Variants in EP400 observed in about 807,000 individuals in gnomAD.
EP400 encodes the protein E1A binding protein p400.
EP400 carries 105 observed loss-of-function variants against 354.1 expected under a neutral mutation model. The ratio of observed to expected loss-of-function variants is 0.30; its 90% CI spans 0.25 to 0.35. The LOEUF (loss-of-function observed/expected upper bound fraction) is 0.35, where lower values mean the gene tolerates loss of function less well. Ranked by LOEUF, EP400 falls within the 10% of genes least tolerant of loss-of-function variation. EP400 has a pLI of 1.00. For missense variants in EP400, 3,280 were observed against 4,121.0 expected (o/e 0.80, Z 5.59); for synonymous variants, 1,646 against 1,716.9 (o/e 0.96, Z 1.02).
At chr12:132,001,444 G>A (rs1466750582) in intron 12 of EP400, among the ~76,000 whole-genome samples, 3 of 152,310 alleles carry the variant, frequency 2.0e-5, no homozygotes, top group South Asian at 2.1e-4. Context: ...GCAGAGCCAC[G>A]TGTACAGGAT....
chr12:132,042,444 G>A (rs1178571392), intron 32 of EP400, among the ~76,000 whole-genome samples: 2 of 152,126 alleles, frequency 1.3e-5, no homozygotes, highest in Non-Finnish European at 2.9e-5. Flanking sequence ...GGTGCTTTTT[G>A]TGCTCTGCTG....
rs888436840 is a variant in EP400, at chr12:132,050,640, C to T, written c.7379C>T (p.Ser2460Phe). The T allele has an allele frequency of 6.2e-7, 1 of 1,614,236 alleles. No individual in the cohort carries two copies. The highest frequency in any genetic ancestry group is 8.5e-7 in the Non-Finnish European group (1 of 1,180,044). Residue 2460 changes from serine to phenylalanine, a missense_variant, in exon 41 of 53, where the codon TCT becomes TTT. Around this residue, in one of 20 missense-constraint regions of EP400, gnomAD observed 29 missense variants for 86.0 expected, o/e 0.34. Coordinates refer to ENST00000389561, the MANE Select transcript of EP400 (RefSeq NM_015409.5). This position sits in a 1 kb window ranked among gnomAD's most constrained non-coding sequence, Gnocchi z 4.8. ...NPFQKNPKHA[S>F]VLAESGINYD... ...TTTCAGAAGAACCCCAAGCACGCGT[C>T]TGTGTTGGCAGAAAGGTATTTCTCT... is the stretch of plus-strand genomic sequence containing the variant.
chr12:132,076,221 T>G, intron 51 of EP400: 1 of 463,572 alleles, frequency 2.2e-6, no homozygotes, highest in Non-Finnish European at 4.1e-6. Flanking sequence ...TCTGATTCTT[T>G]CATATAAACT....
chr12:131,965,175 C>T (rs147922062), intron 2 of EP400, among the ~76,000 whole-genome samples: 2 of 152,162 alleles, frequency 1.3e-5, no homozygotes, highest in African/African-American at 4.8e-5. Flanking sequence ...GTCACTTTGT[C>T]CTATAACTAG....
At position 132,027,678 on chromosome 12, in the gene EP400, T is replaced by C. The variant is rs546477304; in HGVS notation, c.5109+147T>C. ...TTATTTTAAAACACACATTTTCTAA[T>C]AAAATAAATGAAACTGGACTTACGA... On this transcript the variant is annotated intron_variant, in intron 26 of 52. Transcript: ENST00000389561. This position sits in a 1 kb window ranked among gnomAD's most constrained non-coding sequence, Gnocchi z 4.9. 4.1e-6 allele frequency: 3 copies of C among 730,264 alleles called. No homozygotes were observed. The highest frequency in any genetic ancestry group is 3.3e-5 in the Admixed American group (1 of 30,442). The allele number at this position is 730,264 out of a possible 1,614,324, so 45.2% of individuals were successfully genotyped here. A position where few individuals can be genotyped will look rare whatever the true frequency, so the allele number is the denominator to read the frequency against.
chr12:131,962,190 G>C (rs1241349068), intron 2 of EP400, among the ~76,000 whole-genome samples: 6 of 152,208 alleles, frequency 3.9e-5, no homozygotes, highest in African/African-American at 1.4e-4. Flanking sequence ...GCTGCGCTAT[G>C]ATGAGTGCGT....
chr12:131,973,650 A>T (rs1259193290), intron 2 of EP400, among the ~76,000 whole-genome samples: 1 of 152,206 alleles, frequency 6.6e-6, no homozygotes. Context: ...CTCAAAAAAA[A>T]TAAGACAGAG....
At chr12:132,042,954 G>C (rs1894963755) in intron 32 of EP400, among the ~76,000 whole-genome samples, 2 of 152,230 alleles carry the variant, frequency 1.3e-5, no homozygotes, top group Non-Finnish European at 2.9e-5. Context: ...TGTGCATCGG[G>C]TCTGAGATGG....
At position 131,981,563 on chromosome 12, in the gene EP400, G is replaced by T; in HGVS notation, c.1510G>T (p.Val504Phe). The T allele has an allele frequency of 5.0e-6, 8 of 1,601,834 alleles. No individual in the cohort carries two copies. The highest frequency in any genetic ancestry group is 6.8e-6 in the Non-Finnish European group (8 of 1,174,586). The change falls in exon 4 of 53, where the codon GTT (valine) becomes TTT (phenylalanine). Residue 504 changes from valine to phenylalanine, a missense_variant. Val to Phe is a conservative substitution (Grantham distance 50, BLOSUM62 -1). Coordinates refer to ENST00000389561, the MANE Select transcript of EP400 (RefSeq NM_015409.5). Reference sequence around the variant, plus strand: ...CCAGCACCCAGGGGCGGACGCAGGCGTTCCTCTCCAGCAACTAATGCCGAC... The same window carrying T: ...CCAGCACCCAGGGGCGGACGCAGGCTTTCCTCTCCAGCAACTAATGCCGAC... ...VFQHPGADAG[V>F]PLQQLMPTAQ... is the part of the protein sequence containing the mutation.
At chr12:131,957,492 T>C (rs536632058) in intron 1 of EP400, among the ~76,000 whole-genome samples, 3 of 151,086 alleles carry the variant, frequency 2.0e-5, no homozygotes, top group African/African-American at 7.2e-5. Flanking sequence ...TCCTGTCACC[T>C]ACCAGAAGGA....
chr12:131,976,176 G>T (rs554603541), intron 2 of EP400, among the ~76,000 whole-genome samples: 2 of 151,984 alleles, frequency 1.3e-5, no homozygotes, highest in Non-Finnish European at 2.9e-5. Context: ...ATGACCTTGG[G>T]CATACATATT....
At chr12:132,045,262 C>G in intron 37 of EP400, 57 bp from the exon 38 acceptor site, 2 of 1,593,558 alleles carry the variant, frequency 1.3e-6, no homozygotes, top group Non-Finnish European at 1.7e-6. Flanking sequence ...TGTCTTTTGC[C>G]TGCCCGTGTG....
intron 2 of EP400, among the ~76,000 whole-genome samples, chr12:131,970,231 C>G (rs547292635): frequency 2.8e-4 from 43 of 152,300 alleles, no homozygotes; most frequent in African/African-American, 1.0e-3. Context: ...TGCCTATCAA[C>G]ACGAAAAAGA....
In EP400 at chr12:132,028,160, G is replaced by A; in HGVS notation, c.5253G>A (p.Gly1751=). The change falls in exon 27 of 53, where the codon GGG becomes GGA. Residue 1751 remains glycine, a synonymous_variant. Coordinates refer to ENST00000389561, the MANE Select transcript of EP400 (RefSeq NM_015409.5). ...LPSHGRVQWR[G]SLDGRRGKEA... is the part of the protein sequence containing the mutation. The stretch of plus-strand genomic sequence containing the variant: ...GCCATGGAAGGGTACAGTGGCGTGG[G>A]TCCCTGGATGGCCGTCGTGGGAAGG... The A allele has an allele frequency of 6.2e-7, 1 of 1,614,198 alleles. No individual in the cohort carries two copies. The highest frequency in any genetic ancestry group is 8.5e-7 in the Non-Finnish European group (1 of 1,180,030).
In EP400 at chr12:132,062,483, C is replaced by G; in HGVS notation, c.8116C>G (p.Pro2706Ala). Reference protein sequence around the residue: ...QVSQATGVQLPGKTITPAHFQ... With the variant: ...QVSQATGVQLAGKTITPAHFQ... ...CTTCATAGCCACAGGAGTTCAGCTC[C>G]CTGGAAAAACCATCACACCTGCACA... is the stretch of plus-strand genomic sequence containing the variant. The change falls in exon 47 of 53, where the codon CCT (proline) becomes GCT (alanine). Residue 2706 changes from proline (P) to alanine (A), a missense_variant. This residue lies in a region of EP400 where 255 missense variants were observed against 295.9 expected (regional missense o/e 0.86). Coordinates refer to ENST00000389561, the MANE Select transcript of EP400 (RefSeq NM_015409.5). 6.2e-7 allele frequency: 1 copy of G among 1,613,068 alleles called. No individual in the cohort carries two copies. The highest frequency in any genetic ancestry group is 8.5e-7 in the Non-Finnish European group (1 of 1,180,020).
In EP400 at chr12:132,045,957, G is replaced by A; in HGVS notation, c.7200+57G>A. The A allele has an allele frequency of 2.5e-6, 4 of 1,588,264 alleles. No individual in the cohort carries two copies. In the South Asian group the frequency reaches 4.6e-5, roughly 18 times the overall value. On this transcript the variant is annotated intron_variant, in intron 39 of 52. Transcript: ENST00000389561. ...AGCACAGGCAGGTGTGGTGGCCGTG[G>A]CCTGCAGTTTCAGCTCCAGTCCTGC...
At chr12:131,951,568 G>A (rs911177000) in intron 1 of EP400, among the ~76,000 whole-genome samples, 2 of 152,120 alleles carry the variant, frequency 1.3e-5, no homozygotes, top group Non-Finnish European at 2.9e-5. Context: ...TTCTTTAGCA[G>A]AATATGTGCA....
At chr12:131,989,867 A>C in intron 7 of EP400, 97 bp from the exon 8 acceptor site, 1 of 1,405,004 alleles carries the variant, frequency 7.1e-7, no homozygotes, top group Non-Finnish European at 9.7e-7. Flanking sequence ...AATTGTATGT[A>C]ATTTTAGTCT....
chr12:132,067,258 T>G lies in EP400; in HGVS notation c.8750-104T>G. 6.7e-7 allele frequency: 1 copy of G among 1,483,126 alleles called. No individual in the cohort carries two copies. The highest frequency in any genetic ancestry group is 9.1e-7 in the Non-Finnish European group (1 of 1,100,038). The allele number at this position is 1,483,126 out of a possible 1,614,324, so 91.9% of individuals were successfully genotyped here. ...GCTTACTTGTCTCCATAGAGTTTCA[T>G]AGTTTGTTATTTTCTGTAGAGGTGA... is the stretch of plus-strand genomic sequence containing the variant. On this transcript the variant is annotated intron_variant, in intron 49 of 52. Coordinates refer to ENST00000389561, the MANE Select transcript of EP400 (RefSeq NM_015409.5). This position sits in a 1 kb window ranked among gnomAD's most constrained non-coding sequence, Gnocchi z 5.3.
Sources: allele counts gnomAD v4.1 joint callset (sites outside exome capture counted in the v4.1 genomes callset), GRCh38; gene constraint gnomAD v4.1.1; regional missense constraint gnomAD v4.1.1; non-coding constraint Gnocchi (gnomAD v3.1); transcripts MANE v1.5; gene names NCBI Gene and HGNC (gene_info 2026-07-23, HGNC 2026-07-21).